HDAC7: variants seen among roughly 807,000 people sequenced by gnomAD.
HDAC7 encodes histone deacetylase 7, also known as histone deacetylase 7A.
Under a neutral mutation model 115.5 loss-of-function variants are expected in HDAC7, and 26 were observed. That is an observed-to-expected ratio of 0.23 (90% CI 0.16 to 0.31). The LOEUF is 0.31. HDAC7 is among the 10% of genes least tolerant of loss of function. The probability of loss-of-function intolerance (pLI) is 1.00; values close to 1 mark genes in which losing one functional copy is unlikely to be tolerated. For synonymous variants in HDAC7, 564 were observed against 550.9 expected, an observed-to-expected ratio of 1.02 and a Z score of -0.33; for missense variants, 1,068 against 1,329.0, an observed-to-expected ratio of 0.80 and a Z score of 3.05.
At chr12:47,784,890 C>A in intron 24 of HDAC7, 1 of 890,548 alleles carries the variant, frequency 1.1e-6, no homozygotes, top group Admixed American at 2.2e-5. Context: ...CTATTTTACT[C>A]ATTTTTATCC....
chr12:47,808,403 C>T (rs1372588162), intron 1 of HDAC7, among the ~76,000 whole-genome samples: 1 of 152,124 alleles, frequency 6.6e-6, no homozygotes, highest in Admixed American at 6.5e-5. Flanking sequence ...GCTTGAGCTC[C>T]CTGGGGGTGG....
chr12:47,814,667 T>G (rs1295565434), intron 1 of HDAC7, among the ~76,000 whole-genome samples: 1 of 152,196 alleles, frequency 6.6e-6, no homozygotes, highest in African/African-American at 2.4e-5. Context: ...GAGACTGCCA[T>G]CTTCCATGCC....
At chr12:47,804,881 C>T (rs1944327921) in intron 1 of HDAC7, among the ~76,000 whole-genome samples, 1 of 152,066 alleles carries the variant, frequency 6.6e-6, no homozygotes, top group African/African-American at 2.4e-5. Flanking sequence ...TTGCCTCAGG[C>T]CCCAGTCTTG....
In HDAC7 at chr12:47,799,103, C is replaced by A. The variant is rs141671128; in HGVS notation, c.71-131G>T. The A allele has an allele frequency of 4.8e-6, 3 of 630,980 alleles. No homozygotes were observed. The East Asian group carries it at 9.0e-5, about 19-fold the overall frequency. 39.1% of individuals were successfully genotyped at this position (630,980 alleles called of 1,614,324 possible). ...AAACACTCTCATGGGGGTTTTTCCT[C>A]ACTTAATCCTGTCGTGGTCCTGCAA... On this transcript the variant is annotated intron_variant, in intron 2 of 25. Transcript: ENST00000080059.
At chr12:47,811,963 G>A (rs754491921) in intron 1 of HDAC7, among the ~76,000 whole-genome samples, 2 of 152,238 alleles carry the variant, frequency 1.3e-5, no homozygotes, top group Admixed American at 6.5e-5. Flanking sequence ...GCTGTGCTGG[G>A]AATACTCACT....
chr12:47,791,801 G>GCCCCCCCCCCCCCCCCCCCCCAAAACCA, intron 14 of HDAC7, 70 bp downstream of exon 14: 1 of 1,511,074 alleles, frequency 6.6e-7, no homozygotes, highest in Non-Finnish European at 9.0e-7. Context: ...GGGCCCCAGG[G>GCCCCCCCCCCCCCCCCCCCCCAAAACCA]CCCCCCACCC....
In HDAC7 at chr12:47,791,574, C is replaced by T. The variant is rs1440337686; in HGVS notation, c.1933+12G>A. 3 of 1,601,204 alleles carry T rather than the reference C, an allele frequency of 1.9e-6. No individual in the cohort carries two copies. The highest frequency in any genetic ancestry group is 2.6e-6 in the Non-Finnish European group (3 of 1,173,904). On this transcript the variant is annotated intron_variant, in intron 15 of 25. Coordinates refer to ENST00000080059, the MANE Select transcript of HDAC7 (RefSeq NM_015401.5). The stretch of plus-strand genomic sequence containing the variant: ...AAGCTGGCATGGGGAGACAGGGCCA[C>T]TAGGCCATTACCTGCCAGCTTCCCG...
Position 47,784,135 on chromosome 12 carries a change from T to C in HDAC7, c.2874A>G (p.Glu958=), listed in dbSNP as rs775384693. 6.2e-7 allele frequency: 1 copy of C among 1,613,686 alleles called. No homozygotes were observed. ...ACGCCAGTGCGGTCACTGCCTCCACTTCTTCTTTGTCAGCCCCTGGCACTC... is the reference window on the plus strand; with the variant it reads ...ACGCCAGTGCGGTCACTGCCTCCACCTCTTCTTTGTCAGCCCCTGGCACTC... ...VPRVPGADKE[E]VEAVTALASL... is the part of the protein sequence containing the mutation. Residue 958 remains glutamate (E), a synonymous_variant, in exon 25 of 26, where the codon GAA becomes GAG. Transcript: ENST00000080059.
chr12:47,794,205 G>C (rs528166855), intron 12 of HDAC7, among the ~76,000 whole-genome samples: 1 of 152,292 alleles, frequency 6.6e-6, no homozygotes, highest in South Asian at 2.1e-4. Flanking sequence ...GAGAGACCGG[G>C]AACAGCCCCT....
chr12:47,804,781 T>G (rs1182690799), intron 1 of HDAC7, among the ~76,000 whole-genome samples: 1 of 152,088 alleles, frequency 6.6e-6, no homozygotes, highest in Non-Finnish European at 1.5e-5. Flanking sequence ...TTCCAATAGG[T>G]GCACCCCAGC....
At chr12:47,794,011 A>T (rs137916342) in intron 12 of HDAC7, among the ~76,000 whole-genome samples, 159 of 152,314 alleles carry the variant, frequency 1.0e-3, no homozygotes, top group Middle Eastern at 0.01. Flanking sequence ...GTACCTCTAA[A>T]CATGACCTTA....
chr12:47,785,221 G>A (rs1237765005), intron 24 of HDAC7, 166 bp downstream of exon 24: 3 of 646,346 alleles, frequency 4.6e-6, no homozygotes, highest in Non-Finnish European at 8.1e-6. Flanking sequence ...CCCCTCACTG[G>A]GGGGTGCTCA....
chr12:47,808,975 A>C (rs1046692655), intron 1 of HDAC7, among the ~76,000 whole-genome samples: 1 of 152,156 alleles, frequency 6.6e-6, no homozygotes, highest in Non-Finnish European at 1.5e-5. Context: ...TCATAAGCAA[A>C]ACATCCTGAG....
chr12:47,788,357 G>A, intron 19 of HDAC7, 193 bp from the exon 20 acceptor site: 1 of 535,580 alleles, frequency 1.9e-6, no homozygotes, highest in South Asian at 3.3e-5. Flanking sequence ...CGGCCTCTCT[G>A]TGCTGGACAG....
intron 13 of HDAC7, chr12:47,792,904 A>G (rs1943605149): frequency 3.0e-6 from 1 of 331,194 alleles, no homozygotes; most frequent in African/African-American, 2.2e-5. Flanking sequence ...CTGTACATGT[A>G]CATATGGCCA....
chr12:47,818,070 C>A (rs1040096056), intron 1 of HDAC7: 3 of 152,216 alleles, frequency 2.0e-5, no homozygotes, highest in African/African-American at 7.2e-5. Context: ...GAATTTTCTC[C>A]CCATTTTACT....
chr12:47,804,790 G>C (rs1053824452), intron 1 of HDAC7, among the ~76,000 whole-genome samples: 1 of 152,036 alleles, frequency 6.6e-6, no homozygotes, highest in African/African-American at 2.4e-5. Context: ...GTGCACCCCA[G>C]CCCTCAGCAA....
At chr12:47,818,259 C>CAACA (rs1944906491) in intron 1 of HDAC7, among the ~76,000 whole-genome samples, 1 of 152,172 alleles carries the variant, frequency 6.6e-6, no homozygotes, top group Non-Finnish European at 1.5e-5. Context: ...CAGGAGGCAG[C>CAACA]TCTGAGCTTG....
At chr12:47,804,051 C>G (rs1339193570) in intron 1 of HDAC7, among the ~76,000 whole-genome samples, 2 of 152,152 alleles carry the variant, frequency 1.3e-5, no homozygotes, top group Non-Finnish European at 2.9e-5. Flanking sequence ...GTTCTCTGTG[C>G]CTTGCTCCCC....
Sources: gnomAD v4.1 joint callset for allele counts (sites outside exome capture counted in the v4.1 genomes callset) on GRCh38, gnomAD v4.1.1 for gene constraint, MANE v1.5 for transcripts, NCBI Gene and HGNC (gene_info 2026-07-23, HGNC 2026-07-21) for gene names.